The following PNPLA6 variants were observed in gnomAD, a reference collection of about 807,000 sequenced individuals.
PNPLA6 encodes the protein patatin-like phospholipase domain-containing protein 6.
Under a neutral mutation model 153.7 loss-of-function variants are expected in PNPLA6, and 105 were observed. The observed-to-expected ratio is 0.68, with a 90% confidence interval of 0.58 to 0.80. PNPLA6 has a LOEUF of 0.80. PNPLA6 is among the 30% of genes least tolerant of loss of function. PNPLA6 has a pLI of 0.00. For synonymous variants in PNPLA6, 825 were observed against 822.2 expected, an observed-to-expected ratio of 1.00 and a Z score of -0.06; for missense variants, 1,423 against 1,919.3, an observed-to-expected ratio of 0.74 and a Z score of 4.83.
In PNPLA6 at chr19:7,535,956, C is replaced by T. The variant is rs1396714726; in HGVS notation, c.168C>T (p.Ala56=). ...VPQVLGVMIG[A]GVAVVVTAVL... ...AGGTGCTTGGCGTGATGATCGGGGC[C>T]GGAGTGGCGGTGGTGGTCACGGCCG... The change falls in exon 1 of 32, where the codon GCC becomes GCT. Residue 56 remains alanine (A), a synonymous_variant. Transcript: ENST00000600737. This position sits in a 1 kb window ranked among gnomAD's most constrained non-coding sequence, Gnocchi z 5.0. 6.3e-7 allele frequency: 1 copy of T among 1,584,452 alleles called. No individual in the cohort carries two copies. Among genetic ancestry groups the T allele is most frequent in the Non-Finnish European group, 8.6e-7 (1 of 1,168,372 alleles).
chr19:7,541,590 CAA>C lies in PNPLA6; in HGVS notation c.1075_1076del (p.Lys359GlufsTer73). On this transcript the variant is annotated frameshift_variant, in exon 9 of 32. Transcript: ENST00000600737. LOFTEE classifies it high-confidence loss of function. The surrounding 1 kb of genome is among the most constrained non-coding windows in gnomAD (Gnocchi z 5.2). ...PTRTSPVRGS[K>X]RMVSTSATDE... is the part of the protein sequence containing the mutation. ...CTCGCACCAGCCCTGTGCGGGGCTC[CAA>C]GAGAATGGTCAGCACCTCAGCTACA... The C allele has an allele frequency of 6.3e-7, 1 of 1,596,062 alleles. No homozygotes were observed. The highest frequency in any genetic ancestry group is 8.5e-7 in the Non-Finnish European group (1 of 1,171,524).
rs149871062 is a variant in PNPLA6 at position 7,561,109 on chromosome 19, C to A, written c.3912C>A (p.Asp1304Glu). The A allele has an allele frequency of 6.3e-7, 1 of 1,585,056 alleles. No individual in the cohort carries two copies. The change falls in exon 30 of 32, where the codon GAC becomes GAA. Residue 1304 changes from aspartate (D) to glutamate (E), a missense_variant and splice_region_variant. Physicochemically the swap from Asp to Glu is conservative, Grantham distance 45. This residue lies in a region of PNPLA6 where 643 missense variants were observed against 835.2 expected (regional missense o/e 0.77). Coordinates refer to ENST00000600737, the MANE Select transcript of PNPLA6 (RefSeq NM_001166114.2). The part of the protein sequence containing the change: ...PTSYVSDGCA[D>E]GEESDCLTEY... ...GCTATGTCTCTGATGGCTGTGCTGA[C>A]GGTGAGGGGCCCAGGGGACCCCCCA...
intron 3 of PNPLA6, among the ~76,000 whole-genome samples, chr19:7,539,369 C>T (rs1456494256): frequency 2.6e-5 from 4 of 151,698 alleles, no homozygotes; most frequent in Non-Finnish European, 5.9e-5. Context: ...GTCCCAGCTA[C>T]TTGGGAGGCC....
intron 3 of PNPLA6, among the ~76,000 whole-genome samples, chr19:7,537,951 T>C (rs921281223): frequency 9.9e-5 from 15 of 152,028 alleles, no homozygotes; most frequent in Admixed American, 9.8e-4. Context: ...ATGGCAGGGC[T>C]TTCTGTGAGT....
intron 28 of PNPLA6, 169 bp from the exon 29 acceptor site, chr19:7,560,479 G>A (rs987513612): frequency 1.5e-6 from 1 of 685,232 alleles, no homozygotes; most frequent in African/African-American, 1.8e-5. Context: ...GGGCAGGACA[G>A]GGGATGTGTA....
chr19:7,541,448 G>C lies in PNPLA6; in HGVS notation c.1005+14G>C, dbSNP rs190321280. On this transcript the variant is annotated intron_variant, in intron 8 of 31. Transcript: ENST00000600737. This position sits in a 1 kb window ranked among gnomAD's most constrained non-coding sequence, Gnocchi z 5.2. Reference sequence around the variant, plus strand: ...CTCTTCAGCCACGTGAGTGGGTGGCGGGGAGCGAGCACAGGGGGGATGGGG... The same window carrying C: ...CTCTTCAGCCACGTGAGTGGGTGGCCGGGAGCGAGCACAGGGGGGATGGGG... 1 of 1,613,348 alleles carries C rather than the reference G, an allele frequency of 6.2e-7. No homozygotes were observed. Among genetic ancestry groups the C allele is most frequent in the Non-Finnish European group, 8.5e-7 (1 of 1,179,530 alleles).
chr19:7,556,880 C>T, intron 26 of PNPLA6, 156 bp downstream of exon 26: 1 of 715,782 alleles, frequency 1.4e-6, no homozygotes, highest in Non-Finnish European at 2.5e-6. Context: ...CACTAATGCC[C>T]CGGAGACCCC....
At chr19:7,539,332 A>C (rs745993711) in intron 3 of PNPLA6, among the ~76,000 whole-genome samples, 2 of 151,744 alleles carry the variant, frequency 1.3e-5, no homozygotes, top group Non-Finnish European at 2.9e-5. Context: ...ACAAAAAATT[A>C]GCTGGGCGTG....
In PNPLA6 at chr19:7,541,273, G is replaced by C. The variant is rs2023125235; in HGVS notation, c.925-81G>C. ...CCCTGGTTCCCGCCCGACCCCTTATGCTGCGAACTAGCCCGGCCCACCATC... is the reference window on the plus strand; with the variant it reads ...CCCTGGTTCCCGCCCGACCCCTTATCCTGCGAACTAGCCCGGCCCACCATC... On this transcript the variant is annotated intron_variant, in intron 7 of 31. Coordinates refer to ENST00000600737, the MANE Select transcript of PNPLA6 (RefSeq NM_001166114.2). The surrounding 1 kb of genome is among the most constrained non-coding windows in gnomAD (Gnocchi z 5.2). 1 of 1,303,352 alleles carries C rather than the reference G, an allele frequency of 7.7e-7. No individual in the cohort carries two copies. The highest frequency in any genetic ancestry group is 1.5e-5 in the African/African-American group (1 of 68,508). The allele number at this position is 1,303,352 out of a possible 1,614,324, so 80.7% of individuals were successfully genotyped here. A position where few individuals can be genotyped will look rare whatever the true frequency, so the allele number is the denominator to read the frequency against.
chr19:7,547,994 A>C (rs529886876), intron 13 of PNPLA6, among the ~76,000 whole-genome samples: 1 of 136,712 alleles, frequency 7.3e-6, no homozygotes, highest in Non-Finnish European at 1.6e-5. Flanking sequence ...GGGGTGTCCA[A>C]TCTTTTGGCT....
Position 7,535,729 on chromosome 19 carries a change from G to GCCGGGCCTCAGGGAAGAGTCGCGCCC in PNPLA6, c.-54_-29dup, listed in dbSNP as rs2146036338. The GCCGGGCCTCAGGGAAGAGTCGCGCCC allele has an allele frequency of 6.6e-7, 1 of 1,518,612 alleles. No individual in the cohort carries two copies. The highest frequency in any genetic ancestry group is 2.5e-5 in the East Asian group (1 of 40,502). The allele number at this position is 1,518,612 out of a possible 1,614,324, so 94.1% of individuals were successfully genotyped here. On this transcript the variant is annotated 5_prime_UTR_variant, in exon 1 of 32. Transcript: ENST00000600737. This position sits in a 1 kb window ranked among gnomAD's most constrained non-coding sequence, Gnocchi z 5.0. ...CGTTTCCCGGCATGCACTGCGGGCC[G>GCCGGGCCTCAGGGAAGAGTCGCGCCC]CCGGGCCTCAGGGAAGAGTCGCGCC...
rs572916457 is a variant in PNPLA6 at position 7,554,103 on chromosome 19, G to A, written c.2401+88G>A. On this transcript the variant is annotated intron_variant, in intron 19 of 31. Transcript: ENST00000600737. The stretch of plus-strand genomic sequence containing the variant: ...TGTTAGGGTAGGTCATTTGGGGGGT[G>A]GAGGGGAACAGGGCCACAGGGGCGG... 5.0e-6 allele frequency: 8 copies of A among 1,589,146 alleles called. No homozygotes were observed. The South Asian group carries it at 5.5e-5, about 11-fold the overall frequency.
intron 1 of PNPLA6, 52 bp downstream of exon 1, chr19:7,536,072 T>A: frequency 6.3e-7 from 1 of 1,576,118 alleles, no homozygotes; most frequent in Non-Finnish European, 8.7e-7. Context: ...GGGGCCCAAA[T>A]GCCCGGGTCC....
At chr19:7,542,121 A>T (rs2023176855) in intron 10 of PNPLA6, 54 bp downstream of exon 10, 1 of 1,399,342 alleles carries the variant, frequency 7.1e-7, no homozygotes, top group Admixed American at 1.7e-5. Context: ...GTTTGAATCC[A>T]GGTCCACCGC....
intron 3 of PNPLA6, among the ~76,000 whole-genome samples, chr19:7,539,302 A>G (rs575968316): frequency 6.6e-6 from 1 of 151,940 alleles, no homozygotes; most frequent in African/African-American, 2.4e-5. Flanking sequence ...ACATGGGGAA[A>G]CCTCATCTCT....
chr19:7,540,122 C>T lies in PNPLA6; in HGVS notation c.555-27C>T, dbSNP rs768464955. On this transcript the variant is annotated intron_variant, in intron 4 of 31. Transcript: ENST00000600737. The surrounding 1 kb of genome is among the most constrained non-coding windows in gnomAD (Gnocchi z 6.8). ...ACGTGGGGCCGCCCTGACCTCCAGC[C>T]TCTGTCGCCCACCGCCTGTCCAACA... The T allele has an allele frequency of 2.5e-6, 4 of 1,613,420 alleles. No homozygotes were observed. The highest frequency in any genetic ancestry group is 3.3e-5 in the Admixed American group (2 of 60,018).
intron 3 of PNPLA6, among the ~76,000 whole-genome samples, chr19:7,539,556 G>A (rs1402180110): frequency 1.3e-5 from 2 of 150,794 alleles, no homozygotes; most frequent in African/African-American, 2.4e-5. Context: ...TCAGGAGTTC[G>A]AGACCAGCCT....
intron 13 of PNPLA6, among the ~76,000 whole-genome samples, chr19:7,546,758 G>A (rs905396547): frequency 6.6e-6 from 1 of 152,050 alleles, no homozygotes; most frequent in Admixed American, 6.6e-5. Flanking sequence ...TTTTTTAAAG[G>A]TGGGGTCTCA....
At chr19:7,547,249 T>G (rs1157129998) in intron 13 of PNPLA6, among the ~76,000 whole-genome samples, 1 of 152,170 alleles carries the variant, frequency 6.6e-6, no homozygotes, top group African/African-American at 2.4e-5. Context: ...TTTGTTTCTT[T>G]GCTAGACTGT....
Sources: allele counts gnomAD v4.1 joint callset (sites outside exome capture counted in the v4.1 genomes callset), GRCh38; gene constraint gnomAD v4.1.1; regional missense constraint gnomAD v4.1.1; non-coding constraint Gnocchi (gnomAD v3.1); transcripts MANE v1.5; gene names NCBI Gene and HGNC (gene_info 2026-07-23, HGNC 2026-07-21).